Variants in NTM observed in about 807,000 individuals in gnomAD.
The protein encoded by NTM is neurotrimin.
A neutral mutation model predicts 42.1 loss-of-function variants in NTM; 13 were observed. That is an observed-to-expected ratio of 0.31 (90% confidence interval 0.20 to 0.49). The LOEUF (loss-of-function observed/expected upper bound fraction) is 0.49, where lower values mean the gene tolerates loss of function less well. NTM is among the 20% of genes least tolerant of loss of function. The probability of loss-of-function intolerance (pLI) is 0.99; values close to 1 mark genes in which losing one functional copy is unlikely to be tolerated. For synonymous variants in NTM, 187 were observed against 179.2 expected, an observed-to-expected ratio of 1.04 and a Z score of -0.35; for missense variants, 373 against 452.8, an observed-to-expected ratio of 0.82 and a Z score of 1.60.
chr11:131,664,181 T>G (rs554726376), intron 1 of NTM, among the ~76,000 whole-genome samples: 32 of 152,370 alleles, frequency 2.1e-4, no homozygotes, highest in African/African-American at 7.2e-4. Context: ...GTTTGAGGCC[T>G]GCATCTGTTA....
At chr11:131,689,939 A>C (rs1396694082) in intron 1 of NTM, among the ~76,000 whole-genome samples, 1 of 152,206 alleles carries the variant, frequency 6.6e-6, no homozygotes, top group Non-Finnish European at 1.5e-5. Flanking sequence ...TCGTCCACAT[A>C]TGATGAAATT....
At chr11:131,841,615 C>G (rs2136679952) in intron 1 of NTM, among the ~76,000 whole-genome samples, 1 of 152,088 alleles carries the variant, frequency 6.6e-6, no homozygotes, top group Non-Finnish European at 1.5e-5. Context: ...GGGTGAGAGA[C>G]AGATAAGAAA....
At position 132,192,297 on chromosome 11, in the gene NTM, T is replaced by A. The variant is rs537061637; in HGVS notation, c.401-19725T>A. Among the ~76,000 whole-genome samples the A allele has an allele frequency of 1.2e-3, 183 of 152,220 alleles. No individual in the cohort carries two copies. The Middle Eastern group carries it at 0.014, about 11-fold the overall frequency. On this transcript the variant is annotated intron_variant, in intron 3 of 8. Coordinates refer to ENST00000683400, the MANE Select transcript of NTM (RefSeq NM_001352005.2). ...CAGATCACTTACAAATAGAACCTCA[T>A]CAGGCAAACAGTGAAACTTTCAGCA...
chr11:131,409,611 G>A (rs553696516), intron 1 of NTM, among the ~76,000 whole-genome samples: 2 of 152,214 alleles, frequency 1.3e-5, no homozygotes, highest in African/African-American at 2.4e-5. Context: ...GGTCGAGCAG[G>A]CCTCTGAAGT....
chr11:131,949,009 G>A (rs981474754), intron 2 of NTM, among the ~76,000 whole-genome samples: 1 of 152,138 alleles, frequency 6.6e-6, no homozygotes, highest in Non-Finnish European at 1.5e-5. Context: ...CAGCCTCCGG[G>A]AGACACCATT....
At chr11:131,660,515 C>A (rs1349431439) in intron 1 of NTM, 3 of 457,568 alleles carry the variant, frequency 6.6e-6, no homozygotes, top group Non-Finnish European at 1.3e-5. Flanking sequence ...CACCAGCCGG[C>A]ACTGACCCTG....
At chr11:132,048,339 G>T (rs539815854) in intron 2 of NTM, among the ~76,000 whole-genome samples, 1 of 152,300 alleles carries the variant, frequency 6.6e-6, no homozygotes, top group East Asian at 1.9e-4. Context: ...TTTGTAGTTT[G>T]TAAAGATCTC....
intron 1 of NTM, among the ~76,000 whole-genome samples, chr11:131,524,393 CTGTT>C (rs1184672325): frequency 6.6e-6 from 1 of 150,806 alleles, no homozygotes; most frequent in Non-Finnish European, 1.5e-5. Flanking sequence ...CTGCTGCACT[CTGTT>C]AGTATAGCAA....
rs373549603 is a variant in NTM, at chr11:132,310,241, T to G, written c.782+9T>G. 35 of 1,588,060 alleles carry G rather than the reference T, an allele frequency of 2.2e-5. No individual in the cohort carries two copies. Among genetic ancestry groups the G allele is most frequent in the African/African-American group, 4.1e-5 (3 of 73,210 alleles). ...TACAAGGATGACAAAAGGTAAAGCT[T>G]CCTTCTTTCCTATCCCACCCCTACC... On this transcript the variant is annotated intron_variant, in intron 6 of 8. Coordinates refer to ENST00000683400, the MANE Select transcript of NTM (RefSeq NM_001352005.2).
At chr11:132,186,186 C>T (rs141866361) in intron 3 of NTM, among the ~76,000 whole-genome samples, 2 of 152,308 alleles carry the variant, frequency 1.3e-5, no homozygotes, top group African/African-American at 4.8e-5. Flanking sequence ...TGAGCCACTG[C>T]GGTGGCTCTC....
intron 2 of NTM, among the ~76,000 whole-genome samples, chr11:132,094,427 A>T (rs1043702691): frequency 1.3e-5 from 2 of 152,118 alleles, no homozygotes; most frequent in Non-Finnish European, 2.9e-5. Context: ...GCTGTCCTCC[A>T]TGGGTGCAGC....
At chr11:132,009,604 G>C (rs2071631457) in intron 2 of NTM, among the ~76,000 whole-genome samples, 1 of 152,186 alleles carries the variant, frequency 6.6e-6, no homozygotes, top group African/African-American at 2.4e-5. Flanking sequence ...CGTCTTTGGA[G>C]CCCTAATTCC....
chr11:131,543,099 C>A (rs2053499266), intron 1 of NTM, among the ~76,000 whole-genome samples: 1 of 152,186 alleles, frequency 6.6e-6, no homozygotes. Flanking sequence ...GTGAACGTAT[C>A]TCCTACCTTA....
chr11:131,545,709 G>C (rs2053842914), intron 1 of NTM, among the ~76,000 whole-genome samples: 2 of 152,170 alleles, frequency 1.3e-5, no homozygotes, highest in Admixed American at 6.5e-5. Flanking sequence ...GTGATGAGCA[G>C]GTCTATGGGG....
At chr11:132,187,051 T>C (rs1021759574) in intron 3 of NTM, among the ~76,000 whole-genome samples, 4 of 152,196 alleles carry the variant, frequency 2.6e-5, no homozygotes, top group African/African-American at 4.8e-5. Flanking sequence ...TTCAATTGAA[T>C]AGACTCCACT....
intron 1 of NTM, among the ~76,000 whole-genome samples, chr11:131,542,746 C>A (rs1268090767): frequency 2.6e-5 from 4 of 152,140 alleles, no homozygotes; most frequent in Non-Finnish European, 4.4e-5. Flanking sequence ...TTGTCTATAT[C>A]AATGCAGGAT....
At chr11:131,454,276 T>C (rs966014304) in intron 1 of NTM, among the ~76,000 whole-genome samples, 2 of 152,214 alleles carry the variant, frequency 1.3e-5, no homozygotes, top group East Asian at 1.9e-4. Flanking sequence ...GGTATGTATG[T>C]ATAAGAAAAA....
intron 1 of NTM, among the ~76,000 whole-genome samples, chr11:131,889,707 A>G (rs1356440894): frequency 6.6e-6 from 1 of 152,176 alleles, no homozygotes; most frequent in Non-Finnish European, 1.5e-5. Flanking sequence ...AGGAGAGAAT[A>G]CGAACAACAG....
At chr11:132,029,870 A>G (rs2075693830) in intron 2 of NTM, among the ~76,000 whole-genome samples, 2 of 152,148 alleles carry the variant, frequency 1.3e-5, no homozygotes, top group South Asian at 4.1e-4. Context: ...CAGGACCTTC[A>G]TTACCAGTCC....
Sources: allele counts gnomAD v4.1 joint callset (sites outside exome capture counted in the v4.1 genomes callset), GRCh38; gene constraint gnomAD v4.1.1; transcripts MANE v1.5; gene names NCBI Gene and HGNC (gene_info 2026-07-23, HGNC 2026-07-21).